The following PTK2B variants were observed in gnomAD, a reference collection of about 807,000 sequenced individuals.
PTK2B encodes protein-tyrosine kinase 2-beta.
PTK2B carries 71 observed loss-of-function variants against 142.9 expected under a neutral mutation model. That is an observed-to-expected ratio of 0.50 (90% confidence interval 0.41 to 0.61). The LOEUF is 0.61. PTK2B is among the 20% of genes least tolerant of loss of function. PTK2B has a pLI of 0.00. For synonymous variants in PTK2B, 519 were observed against 503.4 expected (o/e 1.03, Z -0.42); for missense variants, 1,105 against 1,320.4 (o/e 0.84, Z 2.53).
intron 5 of PTK2B, 94 bp downstream of exon 5, chr8:27,422,477 A>C: frequency 1.7e-6 from 2 of 1,155,380 alleles, no homozygotes; most frequent in East Asian, 5.7e-5. Flanking sequence ...AGCAGGAATG[A>C]GTGTGTGGGA....
chr8:27,433,941 C>A, intron 11 of PTK2B, 152 bp from the exon 12 acceptor site: 1 of 1,080,298 alleles, frequency 9.3e-7, no homozygotes, highest in Non-Finnish European at 1.4e-6. Context: ...CCACTTCTGG[C>A]CCAAGGCCTC....
chr8:27,381,723 G>A lies in PTK2B; in HGVS notation c.-37-15825G>A, dbSNP rs961462733. Among the ~76,000 whole-genome samples, 25 of 152,258 alleles carry A rather than the reference G, an allele frequency of 1.6e-4. No individual in the cohort carries two copies. In the South Asian group the frequency reaches 1.7e-3, roughly 10 times the overall value. On this transcript the variant is annotated intron_variant, in intron 1 of 30. Coordinates refer to ENST00000346049, the MANE Select transcript of PTK2B (RefSeq NM_173176.3). The stretch of plus-strand genomic sequence containing the variant: ...CTAGTTCTATTTGTAGTTTTTTTGA[G>A]GAATCTCCATACGGTTCCCCGTAAT...
intron 30 of PTK2B, among the ~76,000 whole-genome samples, chr8:27,455,836 C>A (rs1246613018): frequency 3.3e-5 from 5 of 152,250 alleles, no homozygotes; most frequent in Admixed American, 2.0e-4. Flanking sequence ...GCCATAGGCA[C>A]ACAATACAGT....
At chr8:27,366,555 G>A (rs1806029061) in intron 1 of PTK2B, among the ~76,000 whole-genome samples, 1 of 152,144 alleles carries the variant, frequency 6.6e-6, no homozygotes. Context: ...AGGCATCTGG[G>A]CATGGCAACA....
intron 2 of PTK2B, among the ~76,000 whole-genome samples, chr8:27,409,908 G>T (rs1808952473): frequency 1.3e-5 from 2 of 152,076 alleles, no homozygotes; most frequent in African/African-American, 2.4e-5. Flanking sequence ...TTTTAGTAGA[G>T]GCAGGGTTTC....
At chr8:27,377,166 G>A (rs1411361603) in intron 1 of PTK2B, among the ~76,000 whole-genome samples, 1 of 152,114 alleles carries the variant, frequency 6.6e-6, no homozygotes, top group Non-Finnish European at 1.5e-5. Flanking sequence ...CTTTGGTACT[G>A]AAAACCAACC....
intron 1 of PTK2B, among the ~76,000 whole-genome samples, chr8:27,381,921 T>C (rs1454038133): frequency 6.6e-6 from 1 of 152,220 alleles, no homozygotes; most frequent in African/African-American, 2.4e-5. Context: ...ATATCGAGCA[T>C]ATTTTCATTT....
chr8:27,373,524 T>C (rs1263852893), intron 1 of PTK2B, among the ~76,000 whole-genome samples: 1 of 152,026 alleles, frequency 6.6e-6, no homozygotes, highest in Non-Finnish European at 1.5e-5. Context: ...ATCCCGACAT[T>C]TAAAACTTAG....
At chr8:27,341,363 A>G (rs1055874584) in intron 1 of PTK2B, among the ~76,000 whole-genome samples, 2 of 152,252 alleles carry the variant, frequency 1.3e-5, no homozygotes, top group African/African-American at 4.8e-5. Flanking sequence ...ATTTGTTCAG[A>G]TGCGGAGAAG....
chr8:27,450,722 T>G, intron 24 of PTK2B, 27 bp from the exon 25 acceptor site: 1 of 1,613,572 alleles, frequency 6.2e-7, no homozygotes, highest in South Asian at 1.1e-5. Context: ...CATTGCATCC[T>G]CTCCCTTCTC....
intron 5 of PTK2B, among the ~76,000 whole-genome samples, chr8:27,423,212 C>T (rs1047478524): frequency 2.0e-5 from 3 of 152,148 alleles, no homozygotes; most frequent in Non-Finnish European, 4.4e-5. Flanking sequence ...TTATTCTTAG[C>T]TGCCAGGGGG....
chr8:27,356,928 G>A (rs1805424798), intron 1 of PTK2B, among the ~76,000 whole-genome samples: 1 of 152,192 alleles, frequency 6.6e-6, no homozygotes, highest in African/African-American at 2.4e-5. Flanking sequence ...TGTCTAAAAG[G>A]GGTAACCCAA....
chr8:27,352,620 G>C (rs1805162987), intron 1 of PTK2B, among the ~76,000 whole-genome samples: 1 of 152,234 alleles, frequency 6.6e-6, no homozygotes, highest in South Asian at 2.1e-4. Context: ...GAATTCTCAT[G>C]TGTTGTGGGA....
At chr8:27,349,544 G>A (rs1435537292) in intron 1 of PTK2B, among the ~76,000 whole-genome samples, 1 of 152,166 alleles carries the variant, frequency 6.6e-6, no homozygotes, top group Non-Finnish European at 1.5e-5. Context: ...GCGGGGCAGG[G>A]GGTGAAGACC....
Position 27,422,297 on chromosome 8 carries a change from C to G in PTK2B, c.472-7C>G, listed in dbSNP as rs1809807361. 3 of 1,612,534 alleles carry G rather than the reference C, an allele frequency of 1.9e-6. No homozygotes were observed. The East Asian group carries it at 6.7e-5, about 36-fold the overall frequency. ...CAAGCCTGATGCTTGACCTTTCTCC[C>G]CACCAGCTCCGGAACGACTACATGC... On this transcript the variant is annotated splice_polypyrimidine_tract_variant and splice_region_variant and intron_variant, in intron 4 of 30. Transcript: ENST00000346049.
At chr8:27,333,746 T>A (rs1026233061) in intron 1 of PTK2B, among the ~76,000 whole-genome samples, 1 of 151,982 alleles carries the variant, frequency 6.6e-6, no homozygotes, top group African/African-American at 2.4e-5. Flanking sequence ...TCAACCTCTA[T>A]CTGGCAGCAC....
chr8:27,446,115 G>C (rs1811456298), intron 24 of PTK2B, among the ~76,000 whole-genome samples, 196 bp downstream of exon 24: 1 of 152,178 alleles, frequency 6.6e-6, no homozygotes, highest in African/African-American at 2.4e-5. Flanking sequence ...GCCACACCAG[G>C]CCCTGCTCTG....
intron 5 of PTK2B, among the ~76,000 whole-genome samples, chr8:27,429,095 C>T (rs763572036): frequency 3.6e-4 from 55 of 152,118 alleles, no homozygotes; most frequent in Non-Finnish European, 6.2e-4. Context: ...TTAGTAGAGA[C>T]AAGGTTTCAC....
intron 1 of PTK2B, among the ~76,000 whole-genome samples, chr8:27,376,603 G>A (rs889746728): frequency 6.6e-6 from 1 of 152,198 alleles, no homozygotes; most frequent in Non-Finnish European, 1.5e-5. Flanking sequence ...TAAAGACCTT[G>A]CTGATAAAAC....
Sources: gnomAD v4.1 joint callset for allele counts (sites outside exome capture counted in the v4.1 genomes callset) on GRCh38, gnomAD v4.1.1 for gene constraint, MANE v1.5 for transcripts, NCBI Gene and HGNC (gene_info 2026-07-23, HGNC 2026-07-21) for gene names.